Variants in ERC2 observed in about 807,000 individuals in gnomAD.
ERC2 encodes ELKS/RAB6-interacting/CAST family member 2, also known as ERC protein 2.
In ERC2, 42 loss-of-function variants were observed where a neutral mutation model predicts 114.8. The ratio of observed to expected loss-of-function variants is 0.37; its 90% CI spans 0.29 to 0.47. The LOEUF (loss-of-function observed/expected upper bound fraction) is 0.47. Ranked by LOEUF, ERC2 falls within the 20% of genes least tolerant of loss-of-function variation. ERC2 has a pLI of 0.99. For missense variants in ERC2, 939 were observed against 1,150.7 expected (o/e 0.82, Z 2.66); for synonymous variants, 454 against 425.5 (o/e 1.07, Z -0.82).
chr3:56,164,888 T>C (rs1328245618), intron 4 of ERC2, among the ~76,000 whole-genome samples: 7 of 152,106 alleles, frequency 4.6e-5, no homozygotes, highest in African/African-American at 9.7e-5. Context: ...CATTTGTATG[T>C]CTTCTTTGGA....
chr3:56,329,346 A>G (rs1286241986), intron 2 of ERC2, among the ~76,000 whole-genome samples: 1 of 152,190 alleles, frequency 6.6e-6, no homozygotes. Flanking sequence ...TAACATTATA[A>G]AAACTCCAGG....
At chr3:55,702,818 T>A (rs548024990) in intron 15 of ERC2, among the ~76,000 whole-genome samples, 22 of 152,294 alleles carry the variant, frequency 1.4e-4, no homozygotes, top group African/African-American at 4.1e-4. Flanking sequence ...GCAGCAAATC[T>A]TCTGGGCAGG....
At position 55,539,415 on chromosome 3, in the gene ERC2, C is replaced by CTTTTTTTTTTTTTTTTT. The variant is rs58749389; in HGVS notation, c.*40-28156_*40-28140dup. On this transcript the variant is annotated intron_variant, in intron 17 of 17. Coordinates refer to ENST00000288221, the MANE Select transcript of ERC2 (RefSeq NM_015576.3). ...TCTCTCTCTCTCTCTTTTTTTCTTT[C>CTTTTTTTTTTTTTTTTT]TTTTTTTTTTTTTTTTTTTTTTTTT... 8.4e-3 allele frequency among the ~76,000 whole-genome samples: 328 copies of CTTTTTTTTTTTTTTTTT among 39,114 alleles called. 39 individuals carry two copies. Among genetic ancestry groups the CTTTTTTTTTTTTTTTTT allele is most frequent in the East Asian group, 0.026 (20 of 762 alleles). The allele number at this position is 39,114 out of a possible 152,430, so 25.7% of individuals were successfully genotyped here. A position where few individuals can be genotyped will look rare whatever the true frequency, so the allele number is the denominator to read the frequency against.
Position 55,888,460 on chromosome 3 carries a change from G to C in ERC2, c.2493C>G (p.Ala831=), listed in dbSNP as rs191615919. The change falls in exon 14 of 18, where the codon GCC becomes GCG. Residue 831 remains alanine (A), a synonymous_variant. Transcript: ENST00000288221. The stretch of plus-strand genomic sequence containing the variant: ...GGTTGGCCAAGTGCGCTTCTTTTTC[G>C]GCCAGGGACTGTTGTGTGGAGGCGA... The part of the protein sequence containing the change: ...ARLASTQQSL[A]EKEAHLANLR... 13 of 1,613,782 alleles carry C rather than the reference G, an allele frequency of 8.1e-6. No individual in the cohort carries two copies. In the Admixed American group the frequency reaches 8.3e-5, roughly 10 times the overall value.
intron 14 of ERC2, among the ~76,000 whole-genome samples, chr3:55,810,007 A>C (rs2059653410): frequency 6.6e-6 from 1 of 152,212 alleles, no homozygotes; most frequent in African/African-American, 2.4e-5. Context: ...CCACGATGAC[A>C]AGATTTTAAG....
rs76375102 is a variant in ERC2 at position 55,606,045 on chromosome 3, C to T, written c.*39+77749G>A. ...TTGCACAAGAAGCATAAGGCCAATGCCCTATGGTCTCTGTGGGTTTATTCT... is the reference window on the plus strand; with the variant it reads ...TTGCACAAGAAGCATAAGGCCAATGTCCTATGGTCTCTGTGGGTTTATTCT... On this transcript the variant is annotated intron_variant, in intron 17 of 17. Coordinates refer to ENST00000288221, the MANE Select transcript of ERC2 (RefSeq NM_015576.3). Among the ~76,000 whole-genome samples the T allele has an allele frequency of 6.4e-3, 982 of 152,280 alleles. 7 individuals are homozygous for T. The highest frequency in any genetic ancestry group is 0.022 in the African/African-American group (918 of 41,552).
intron 2 of ERC2, among the ~76,000 whole-genome samples, chr3:56,373,861 C>G (rs879372557): frequency 1.2e-4 from 19 of 152,066 alleles, no homozygotes; most frequent in Admixed American, 4.6e-4. Flanking sequence ...CTTGTGTGCT[C>G]TGAAATGCAT....
chr3:56,356,633 C>T (rs993730143), intron 2 of ERC2, among the ~76,000 whole-genome samples: 1 of 152,196 alleles, frequency 6.6e-6, no homozygotes. Context: ...TCCTTCCTTT[C>T]CTGGTGCCTA....
chr3:55,875,967 G>T (rs929192668), intron 14 of ERC2, among the ~76,000 whole-genome samples: 6 of 152,122 alleles, frequency 3.9e-5, no homozygotes, highest in African/African-American at 1.4e-4. Flanking sequence ...GAAGAAACAG[G>T]ACATGGAGTG....
chr3:55,752,286 G>C (rs1000158224), intron 14 of ERC2, among the ~76,000 whole-genome samples: 1 of 152,152 alleles, frequency 6.6e-6, no homozygotes, highest in Non-Finnish European at 1.5e-5. Flanking sequence ...TACAGCTAAG[G>C]GGTCTATTTC....
chr3:56,463,991 C>T (rs181474579), intron 1 of ERC2, among the ~76,000 whole-genome samples: 1 of 152,174 alleles, frequency 6.6e-6, no homozygotes, highest in African/African-American at 2.4e-5. Flanking sequence ...ATACACAAAC[C>T]TGTTTTATAG....
At chr3:55,615,465 G>C (rs951621764) in intron 17 of ERC2, among the ~76,000 whole-genome samples, 1 of 152,152 alleles carries the variant, frequency 6.6e-6, no homozygotes, top group East Asian at 1.9e-4. Context: ...CCTGTGGATA[G>C]AGCCTCCATG....
chr3:56,286,414 C>CAAAAAAAAAAAAAAAAAAAAAAAAAAAA, intron 3 of ERC2, among the ~76,000 whole-genome samples: 1 of 30,314 alleles, frequency 3.3e-5, no homozygotes, highest in Non-Finnish European at 5.8e-5. Flanking sequence ...AACTCCATCT[C>CAAAAAAAAAAAAAAAAAAAAAAAAAAAA]AAAAAAAAAA....
At chr3:56,315,121 G>A (rs1389577810) in intron 2 of ERC2, among the ~76,000 whole-genome samples, 2 of 152,188 alleles carry the variant, frequency 1.3e-5, no homozygotes, top group Non-Finnish European at 2.9e-5. Context: ...AGGAGTTGGA[G>A]CACATGACAC....
intron 13 of ERC2, among the ~76,000 whole-genome samples, chr3:55,947,574 T>A (rs1481933482): frequency 6.6e-6 from 1 of 152,172 alleles, no homozygotes; most frequent in East Asian, 1.9e-4. Flanking sequence ...CTCTTGTGCT[T>A]CAGCAACTGT....
At chr3:55,573,758 C>T (rs757307373) in intron 17 of ERC2, among the ~76,000 whole-genome samples, 2 of 152,110 alleles carry the variant, frequency 1.3e-5, no homozygotes, top group Non-Finnish European at 2.9e-5. Flanking sequence ...GCAATGAAGC[C>T]TGCCACGTGC....
intron 17 of ERC2, among the ~76,000 whole-genome samples, chr3:55,642,374 G>A (rs549147480): frequency 1.0e-4 from 14 of 139,488 alleles, no homozygotes; most frequent in Admixed American, 6.3e-4. Context: ...TTGCTCTGTC[G>A]CCCAGGCTGG....
chr3:56,462,402 C>T (rs1368822933), intron 1 of ERC2, among the ~76,000 whole-genome samples: 1 of 152,184 alleles, frequency 6.6e-6, no homozygotes, highest in Admixed American at 6.5e-5. Flanking sequence ...CACCTTCACT[C>T]GTACTAAAGC....
At chr3:55,549,882 T>C (rs913405537) in intron 17 of ERC2, among the ~76,000 whole-genome samples, 3 of 150,730 alleles carry the variant, frequency 2.0e-5, no homozygotes, top group African/African-American at 7.4e-5. Context: ...CACCACCACC[T>C]CCTTTCTCTC....
Sources: gnomAD v4.1 joint callset for allele counts (sites outside exome capture counted in the v4.1 genomes callset) on GRCh38, gnomAD v4.1.1 for gene constraint, MANE v1.5 for transcripts, NCBI Gene and HGNC (gene_info 2026-07-23, HGNC 2026-07-21) for gene names.